The following SPTBN2 variants were observed in gnomAD, a reference collection of about 807,000 sequenced individuals.
The protein encoded by SPTBN2 is spectrin beta, non-erythrocytic 2.
SPTBN2 carries 107 observed loss-of-function variants against 284.2 expected under a neutral mutation model. The observed-to-expected ratio is 0.38, with a 90% confidence interval of 0.32 to 0.44. The LOEUF (loss-of-function observed/expected upper bound fraction) is 0.44. Among genes scored for constraint, SPTBN2 ranks in the 20% least tolerant of loss-of-function variants. The probability of loss-of-function intolerance (pLI) is 1.00; values close to 1 mark genes in which losing one functional copy is unlikely to be tolerated. For missense variants in SPTBN2, 2,569 were observed against 3,287.1 expected (o/e 0.78, Z 5.34); for synonymous variants, 1,289 against 1,354.8 (o/e 0.95, Z 1.07).
rs1942398093 is a variant in SPTBN2 at position 66,721,419 on chromosome 11, G to A, written c.-92C>T. On this transcript the variant is annotated 5_prime_UTR_variant, in exon 2 of 38. Coordinates refer to ENST00000533211, the MANE Select transcript of SPTBN2 (RefSeq NM_006946.4). ...CAGTGGAAATCAGCCCCCAGGGGAA[G>A]AGGGGAAGCCACCTGGGAAGCCTGG... is the stretch of plus-strand genomic sequence containing the variant. 1.3e-6 allele frequency: 1 copy of A among 793,516 alleles called. No individual in the cohort carries two copies. The highest frequency in any genetic ancestry group is 2.1e-5 in the Admixed American group (1 of 48,304). 49.2% of individuals were successfully genotyped at this position (793,516 alleles called of 1,614,324 possible).
intron 8 of SPTBN2, among the ~76,000 whole-genome samples, chr11:66,711,272 GC>G (rs1941850416): frequency 6.6e-6 from 1 of 152,210 alleles, no homozygotes; most frequent in South Asian, 2.1e-4. Context: ...GCACAAGGAA[GC>G]TTTTACCCAG....
At chr11:66,686,140 C>T in intron 37 of SPTBN2, 36 bp from the exon 38 acceptor site, 10 of 1,596,864 alleles carry the variant, frequency 6.3e-6, no homozygotes, top group South Asian at 1.1e-5. Flanking sequence ...GCTTCAAGGA[C>T]ACTGTGCTGA....
intron 3 of SPTBN2, among the ~76,000 whole-genome samples, chr11:66,719,385 C>T (rs868172423): frequency 5.9e-5 from 9 of 152,212 alleles, no homozygotes; most frequent in Non-Finnish European, 1.0e-4. Flanking sequence ...TGGGCTTCAG[C>T]GTTTGTCATG....
At chr11:66,720,956 G>C in intron 3 of SPTBN2, 128 bp downstream of exon 3, 1 of 1,285,522 alleles carries the variant, frequency 7.8e-7, no homozygotes, top group East Asian at 2.5e-5. Context: ...CCAGGGAATT[G>C]ATAGAGTGCT....
intron 3 of SPTBN2, among the ~76,000 whole-genome samples, chr11:66,717,286 GCAT>G (rs1942192350): frequency 6.6e-6 from 1 of 152,114 alleles, no homozygotes; most frequent in Non-Finnish European, 1.5e-5. Context: ...CAAAGTGAAA[GCAT>G]CAGAAACTGC....
At chr11:66,723,351 T>C (rs1942504967) in intron 1 of SPTBN2, among the ~76,000 whole-genome samples, 1 of 152,054 alleles carries the variant, frequency 6.6e-6, no homozygotes, top group Non-Finnish European at 1.5e-5. Context: ...GGACCAGGGC[T>C]GTAGTCTCGG....
chr11:66,742,343 A>G (rs115954939), intron 1 of SPTBN2, among the ~76,000 whole-genome samples: 1,643 of 152,218 alleles, frequency 0.011, 37 homozygotes, highest in African/African-American at 0.037. Context: ...AAACCCTCAT[A>G]TCGAAGGCTT....
rs549378554 is a variant in SPTBN2 at position 66,687,652 on chromosome 11, G to A, written c.6502-5C>T. 1.8e-5 allele frequency: 29 copies of A among 1,588,844 alleles called. No homozygotes were observed. In the Middle Eastern group the frequency reaches 2.1e-3, roughly 114 times the overall value. The stretch of plus-strand genomic sequence containing the variant: ...TTCGTCCCCTGAGCCAGGTCCCTGG[G>A]GGGGAATCAGTGTCAGTGTCAAAGG... On this transcript the variant is annotated splice_region_variant and splice_polypyrimidine_tract_variant and intron_variant, in intron 34 of 37. Transcript: ENST00000533211. This position sits in a 1 kb window ranked among gnomAD's most constrained non-coding sequence, Gnocchi z 5.2.
intron 21 of SPTBN2, among the ~76,000 whole-genome samples, chr11:66,695,961 T>G (rs1481944495): frequency 2.0e-5 from 3 of 152,174 alleles, no homozygotes; most frequent in Admixed American, 1.3e-4. Flanking sequence ...GGTCTTGAAC[T>G]CCTGACCTCA....
rs1416537937 is a variant in SPTBN2 at position 66,692,648 on chromosome 11, T to G, written c.5078A>C (p.His1693Pro). ...AGERRERLQE[H>P]LRLCQLRREL... is the part of the protein sequence containing the mutation. ...GCGGCGGAGCTGGCACAGCCGGAGG[T>G]GCTCCTGCAGGCGCTCCCGCCGCTC... Residue 1693 changes from histidine to proline, a missense_variant, in exon 26 of 38, where the codon CAC (histidine) becomes CCC (proline). Around this residue, in one of 6 missense-constraint regions of SPTBN2, gnomAD observed 1,130 missense variants for 1,317.3 expected, o/e 0.86. Coordinates refer to ENST00000533211, the MANE Select transcript of SPTBN2 (RefSeq NM_006946.4). 1 of 1,605,096 alleles carries G rather than the reference T, an allele frequency of 6.2e-7. No individual in the cohort carries two copies. The highest frequency in any genetic ancestry group is 1.1e-5 in the South Asian group (1 of 91,074).
At chr11:66,714,551 G>T in intron 5 of SPTBN2, 144 bp from the exon 6 acceptor site, 1 of 733,650 alleles carries the variant, frequency 1.4e-6, no homozygotes, top group Non-Finnish European at 2.4e-6. Context: ...TTCAACCTAG[G>T]CCAGGGACCA....
At position 66,686,433 on chromosome 11, in the gene SPTBN2, C is replaced by G. The variant is rs1940116854; in HGVS notation, c.6904G>C (p.Asp2302His). Residue 2302 changes from aspartate (D) to histidine (H), a missense_variant, in exon 37 of 38, where the codon GAT becomes CAT. By Grantham distance (81) the Asp-to-His change is moderately conservative (BLOSUM62 -1). Around this residue, in one of 6 missense-constraint regions of SPTBN2, gnomAD observed 1,130 missense variants for 1,317.3 expected, o/e 0.86. Coordinates refer to ENST00000533211, the MANE Select transcript of SPTBN2 (RefSeq NM_006946.4). ...RKHVFKLGLQDGKEYLFQAKD... is the reference protein window; with the variant it reads ...RKHVFKLGLQHGKEYLFQAKD... The stretch of plus-strand genomic sequence containing the variant: ...GCCTGGAATAAATATTCTTTTCCAT[C>G]CTGTAAGCTGTTGGGAGAGAGAGGC... 6.2e-7 allele frequency: 1 copy of G among 1,614,028 alleles called. No homozygotes were observed. Among genetic ancestry groups the G allele is most frequent in the Non-Finnish European group, 8.5e-7 (1 of 1,179,910 alleles).
upstream of SPTBN2, among the ~76,000 whole-genome samples, chr11:66,731,133 T>A (rs1047109133): frequency 8.5e-5 from 13 of 152,210 alleles, no homozygotes; most frequent in Non-Finnish European, 1.9e-4. Context: ...GTAAATGAAT[T>A]ATATGCAGCA....
In SPTBN2 at chr11:66,707,585, G is replaced by A. The variant is rs1941629492; in HGVS notation, c.1584C>T (p.Leu528=). The change falls in exon 13 of 38, where the codon CTC becomes CTT. Residue 528 remains leucine, a synonymous_variant. Transcript: ENST00000533211. The surrounding 1 kb of genome is among the most constrained non-coding windows in gnomAD (Gnocchi z 4.9). ...QMVAARRERL[L]LNLELQKVFQ... is the part of the protein sequence containing the mutation. The stretch of plus-strand genomic sequence containing the variant: ...ACACCTTCTGCAGCTCCAGGTTGAG[G>A]AGGAGCCGCTCCCGCCGGGCGGCCA... The A allele has an allele frequency of 1.2e-6, 2 of 1,612,110 alleles. No individual in the cohort carries two copies. The highest frequency in any genetic ancestry group is 1.7e-6 in the Non-Finnish European group (2 of 1,179,922).
chr11:66,701,259 G>A lies in SPTBN2; in HGVS notation c.2840C>T (p.Ala947Val). The part of the protein sequence containing the change: ...NHRWQQFRRL[A>V]DGKKAALTSA... ...GGTGAGAGCTGCCTTCTTGCCGTCT[G>A]CCAGACGCCGAAACTGCTGCCACCT... The change falls in exon 17 of 38, where the codon GCA becomes GTA. Residue 947 changes from alanine to valine, a missense_variant. Ala to Val is a moderately conservative substitution (Grantham distance 64). Coordinates refer to ENST00000533211, the MANE Select transcript of SPTBN2 (RefSeq NM_006946.4). The A allele has an allele frequency of 6.2e-7, 1 of 1,612,638 alleles. No individual in the cohort carries two copies. Among genetic ancestry groups the A allele is most frequent in the Non-Finnish European group, 8.5e-7 (1 of 1,180,030 alleles).
In SPTBN2 at chr11:66,700,156, T is replaced by C. The variant is rs1941160092; in HGVS notation, c.3573+370A>G. Among the ~76,000 whole-genome samples, 1 of 151,936 alleles carries C rather than the reference T, an allele frequency of 6.6e-6. No homozygotes were observed. Among genetic ancestry groups the C allele is most frequent in the South Asian group, 2.1e-4 (1 of 4,804 alleles). ...TTTCATAGAGATGGGGGTCTCACTA[T>C]GTTGCCCAGGCTGGTCTCAAACTCC... is the stretch of plus-strand genomic sequence containing the variant. On this transcript the variant is annotated intron_variant, in intron 17 of 37. Coordinates refer to ENST00000533211, the MANE Select transcript of SPTBN2 (RefSeq NM_006946.4). This position sits in a 1 kb window ranked among gnomAD's most constrained non-coding sequence, Gnocchi z 6.6.
In SPTBN2 at chr11:66,705,294, T is replaced by C; in HGVS notation, c.1982A>G (p.Gln661Arg). The C allele has an allele frequency of 6.2e-7, 1 of 1,603,168 alleles. No homozygotes were observed. The highest frequency in any genetic ancestry group is 8.5e-7 in the Non-Finnish European group (1 of 1,178,442). ...GEAEAWVREQ[Q>R]HLLASADTGR... is the part of the protein sequence containing the mutation. Reference sequence around the variant, plus strand: ...CGTGTCGGCTGAGGCCAGGAGGTGCTGCTGCTCCCGCACCCAGGCCTCAGC... The same window carrying C: ...CGTGTCGGCTGAGGCCAGGAGGTGCCGCTGCTCCCGCACCCAGGCCTCAGC... The change falls in exon 15 of 38, where the codon CAG becomes CGG. Residue 661 changes from glutamine (Q) to arginine (R), a missense_variant. Around this residue, in one of 6 missense-constraint regions of SPTBN2, gnomAD observed 1,012 missense variants for 1,248.9 expected, o/e 0.81. Transcript: ENST00000533211.
upstream of SPTBN2, among the ~76,000 whole-genome samples, chr11:66,731,172 G>A (rs1284644468): frequency 3.9e-5 from 6 of 152,256 alleles, no homozygotes; most frequent in South Asian, 2.1e-4. Context: ...AGTATCAGCC[G>A]TTATGATTTT....
intron 1 of SPTBN2, among the ~76,000 whole-genome samples, chr11:66,722,294 G>T (rs900744958): frequency 6.6e-6 from 1 of 152,166 alleles, no homozygotes; most frequent in African/African-American, 2.4e-5. Flanking sequence ...TATTAAGTTG[G>T]CTGGGCGCGG....
Sources: gnomAD v4.1 joint callset for allele counts (sites outside exome capture counted in the v4.1 genomes callset) on GRCh38, gnomAD v4.1.1 for gene constraint, gnomAD v4.1.1 regional missense constraint, Gnocchi (gnomAD v3.1) non-coding constraint, MANE v1.5 for transcripts, NCBI Gene and HGNC (gene_info 2026-07-23, HGNC 2026-07-21) for gene names.